Variants in PTPN3 observed in about 807,000 individuals in gnomAD.
The protein encoded by PTPN3 is protein tyrosine phosphatase non-receptor type 3, also known as tyrosine-protein phosphatase non-receptor type 3.
A neutral mutation model predicts 132.7 loss-of-function variants in PTPN3; 96 were observed. That is an observed-to-expected ratio of 0.72 (90% CI 0.61 to 0.86). The LOEUF is 0.86. Ranked by LOEUF, PTPN3 falls within the 40% of genes least tolerant of loss-of-function variation. PTPN3 has a pLI of 0.00. For missense variants in PTPN3, 1,125 were observed against 1,159.6 expected, an observed-to-expected ratio of 0.97 and a Z score of 0.43; for synonymous variants, 398 against 429.0, an observed-to-expected ratio of 0.93 and a Z score of 0.89.
intron 1 of PTPN3, among the ~76,000 whole-genome samples, chr9:109,495,121 G>C (rs1034001364): frequency 1.3e-5 from 2 of 152,198 alleles, no homozygotes; most frequent in Non-Finnish European, 2.9e-5. Flanking sequence ...CACTGACCTG[G>C]TCTCCTCCTG....
At chr9:109,385,838 T>G (rs1444188745) in intron 22 of PTPN3, among the ~76,000 whole-genome samples, 4 of 152,176 alleles carry the variant, frequency 2.6e-5, no homozygotes, top group Non-Finnish European at 5.9e-5. Flanking sequence ...CCTCAGAGAT[T>G]CACAAGCCTG....
At chr9:109,517,779 G>A in the PTPN3 span, among the ~76,000 whole-genome samples, 2 of 152,206 alleles carry the variant, frequency 1.3e-5, no homozygotes, top group African/African-American at 4.8e-5. Flanking sequence ...ACTCTGGCCT[G>A]TGCCTGCACA....
chr9:109,438,075 A>T, intron 8 of PTPN3, 39 bp downstream of exon 8: 1 of 1,587,620 alleles, frequency 6.3e-7, no homozygotes, highest in Non-Finnish European at 8.6e-7. Flanking sequence ...AAAATACCCA[A>T]CCCAAGTCCC....
Position 109,377,185 on chromosome 9 carries a change from TTGC to T in PTPN3, c.*2368_*2370del, listed in dbSNP as rs1157175827. ...TCCCTCCATCCCCCTTTCTTGGAGC[TTGC>T]TGAATTTTTGTGAGTCCAGATTATT... On this transcript the variant is annotated 3_prime_UTR_variant, in exon 26 of 26. Transcript: ENST00000374541. 2 of 152,192 alleles carry T rather than the reference TTGC, an allele frequency of 1.3e-5. No homozygotes were observed. The highest frequency in any genetic ancestry group is 4.8e-5 in the African/African-American group (2 of 41,444). 9.4% of individuals were successfully genotyped at this position (152,192 alleles called of 1,614,324 possible).
chr9:109,528,186 C>T, the PTPN3 span, among the ~76,000 whole-genome samples: 8 of 152,148 alleles, frequency 5.3e-5, no homozygotes, highest in Non-Finnish European at 1.0e-4. Context: ...ACAGTATTTA[C>T]TCAAGTTTAG....
At chr9:109,461,259 G>A (rs539275132) in intron 2 of PTPN3, among the ~76,000 whole-genome samples, 3 of 152,004 alleles carry the variant, frequency 2.0e-5, no homozygotes, top group African/African-American at 4.8e-5. Context: ...GAGACAACTC[G>A]GGGAGCCATT....
intron 11 of PTPN3, among the ~76,000 whole-genome samples, chr9:109,427,649 T>C (rs533538220): frequency 1.4e-4 from 22 of 152,370 alleles, no homozygotes; most frequent in African/African-American, 4.8e-4. Flanking sequence ...TCTGTTTTCA[T>C]GTTAAATTGC....
At chr9:109,533,306 G>T in the PTPN3 span, 1 of 411,726 alleles carries the variant, frequency 2.4e-6, no homozygotes, top group African/African-American at 2.1e-5. Context: ...CACCGCGCCC[G>T]GCTAATTTTT....
chr9:109,417,771 T>C (rs1161216920), intron 14 of PTPN3: 1 of 985,258 alleles, frequency 1.0e-6, no homozygotes, highest in Non-Finnish European at 1.2e-6. Context: ...ACATGTCTAT[T>C]GTCAGTGCAC....
At chr9:109,458,200 C>T (rs1845663332) in intron 2 of PTPN3, among the ~76,000 whole-genome samples, 1 of 152,168 alleles carries the variant, frequency 6.6e-6, no homozygotes, top group Admixed American at 6.5e-5. Context: ...CGGGACCACA[C>T]AAATGGTCAT....
chr9:109,505,073 C>T, the PTPN3 span, among the ~76,000 whole-genome samples: 1 of 152,130 alleles, frequency 6.6e-6, no homozygotes, highest in African/African-American at 2.4e-5. Flanking sequence ...TCAGTAATCC[C>T]TAATAGAGGA....
At chr9:109,434,344 T>C (rs1260155160) in intron 9 of PTPN3, among the ~76,000 whole-genome samples, 2 of 149,116 alleles carry the variant, frequency 1.3e-5, no homozygotes, top group South Asian at 2.2e-4. Flanking sequence ...GGTCACACTA[T>C]GTTGCCTAGG....
At chr9:109,473,174 G>A (rs926279880) in intron 1 of PTPN3, among the ~76,000 whole-genome samples, 5 of 152,118 alleles carry the variant, frequency 3.3e-5, no homozygotes, top group East Asian at 3.8e-4. Flanking sequence ...ATACTCCGTC[G>A]AATCATCTTG....
chr9:109,491,592 G>A (rs1423076531), intron 1 of PTPN3, among the ~76,000 whole-genome samples: 2 of 152,180 alleles, frequency 1.3e-5, no homozygotes, highest in Non-Finnish European at 2.9e-5. Flanking sequence ...GTGTAGCCGG[G>A]AGACAGGTAC....
the PTPN3 span, among the ~76,000 whole-genome samples, chr9:109,506,531 C>T: frequency 6.7e-6 from 1 of 148,758 alleles, no homozygotes; most frequent in African/African-American, 2.6e-5. Flanking sequence ...TTCCTTCCTC[C>T]CTCCCTCCTT....
chr9:109,418,654 G>A (rs541220629), intron 14 of PTPN3, among the ~76,000 whole-genome samples: 1 of 152,352 alleles, frequency 6.6e-6, no homozygotes, highest in Non-Finnish European at 1.5e-5. Flanking sequence ...GGAATGGGCT[G>A]TATCTGTGCT....
At chr9:109,528,287 T>C in the PTPN3 span, among the ~76,000 whole-genome samples, 7 of 152,316 alleles carry the variant, frequency 4.6e-5, no homozygotes, top group African/African-American at 1.7e-4. Context: ...TATTTGAACA[T>C]TCTTAGCTGC....
chr9:109,510,558 TAAAAAAAAAAAAA>T, the PTPN3 span, among the ~76,000 whole-genome samples: 1 of 74,152 alleles, frequency 1.3e-5, no homozygotes, highest in African/African-American at 4.9e-5. Flanking sequence ...AACTTTGTCT[TAAAAAAAAAAAAA>T]AAAAAATATA....
At chr9:109,428,491 G>C in intron 11 of PTPN3, 130 bp downstream of exon 11, 1 of 887,180 alleles carries the variant, frequency 1.1e-6, no homozygotes, top group Admixed American at 2.8e-5. Context: ...CATGTTTCTA[G>C]TCCCAGCTAC....
Sources: allele counts gnomAD v4.1 joint callset (sites outside exome capture counted in the v4.1 genomes callset), GRCh38; gene constraint gnomAD v4.1.1; transcripts MANE v1.5; gene names NCBI Gene and HGNC (gene_info 2026-07-23, HGNC 2026-07-21).